GIT2: variants seen among roughly 807,000 people sequenced by gnomAD.
GIT2 encodes ARF GTPase-activating protein GIT2.
GIT2 carries 32 observed loss-of-function variants against 100.3 expected under a neutral mutation model. The observed-to-expected ratio is 0.32, with a 90% CI of 0.24 to 0.43. The LOEUF is 0.43. Among genes scored for constraint, GIT2 ranks in the 20% least tolerant of loss-of-function variants. The pLI, the probability that GIT2 is intolerant of heterozygous loss-of-function variation, is 1.00. For synonymous variants in GIT2, 353 were observed against 364.1 expected (o/e 0.97, Z 0.35); for missense variants, 737 against 975.1 (o/e 0.76, Z 3.25).
chr12:109,978,381 C>T (rs1433940734), intron 7 of GIT2, among the ~76,000 whole-genome samples: 1 of 152,144 alleles, frequency 6.6e-6, no homozygotes, highest in Non-Finnish European at 1.5e-5. Flanking sequence ...TTGAGCCTGT[C>T]CCAAATTTAG....
rs989636193 is a variant in GIT2, at chr12:109,966,078, C to A, written c.765-501G>T. Among the ~76,000 whole-genome samples, 4 of 148,212 alleles carry A rather than the reference C, an allele frequency of 2.7e-5. No individual in the cohort carries two copies. In the Admixed American group the frequency reaches 2.7e-4, roughly 10 times the overall value. ...TGGCGCAATCTCAGCTCACTGCAAT[C>A]TCTGCCACCAGGGTTTAAGCAATTC... On this transcript the variant is annotated intron_variant, in intron 8 of 19. Coordinates refer to ENST00000355312, the MANE Select transcript of GIT2 (RefSeq NM_057169.5).
At chr12:109,942,308 T>C (rs34278224) in intron 16 of GIT2, among the ~76,000 whole-genome samples, 26,875 of 152,156 alleles carry the variant, frequency 0.18, 3,154 homozygotes, top group Admixed American at 0.29. Context: ...CAGAAAATTC[T>C]ACATTTTTAT....
At chr12:109,937,739 G>A (rs188854541) in intron 18 of GIT2, among the ~76,000 whole-genome samples, 1 of 152,312 alleles carries the variant, frequency 6.6e-6, no homozygotes, top group Admixed American at 6.5e-5. Context: ...TTTCGCTATT[G>A]TTGCCCAGGC....
chr12:109,990,840 A>G (rs1888230391), intron 2 of GIT2, among the ~76,000 whole-genome samples: 1 of 152,266 alleles, frequency 6.6e-6, no homozygotes, highest in East Asian at 1.9e-4. Flanking sequence ...GACTAGTAAC[A>G]AGAGCTTTAA....
intron 18 of GIT2, among the ~76,000 whole-genome samples, chr12:109,936,468 G>A (rs1289069896): frequency 2.0e-5 from 3 of 152,162 alleles, no homozygotes; most frequent in African/African-American, 7.2e-5. Context: ...TGAAATACAA[G>A]CACAGCACTT....
intron 12 of GIT2, among the ~76,000 whole-genome samples, chr12:109,959,623 C>T (rs1880514663): frequency 6.6e-6 from 1 of 152,040 alleles, no homozygotes; most frequent in Admixed American, 6.5e-5. Flanking sequence ...ACCTAGAGGA[C>T]AGGTCAATAG....
chr12:109,979,753 G>A (rs1885934973), intron 7 of GIT2, among the ~76,000 whole-genome samples: 1 of 152,116 alleles, frequency 6.6e-6, no homozygotes, highest in African/African-American at 2.4e-5. Context: ...ATTTGGTCCA[G>A]GTCTGTTAGT....
Position 109,980,943 on chromosome 12 carries a change from T to A in GIT2, c.718+9A>T. Reference sequence around the variant, plus strand: ...GGAGATGTGAAACGGTCATTCTCCATCCACTCACCTGGTTTCCTGCCACAG... The same window carrying A: ...GGAGATGTGAAACGGTCATTCTCCAACCACTCACCTGGTTTCCTGCCACAG... On this transcript the variant is annotated intron_variant, in intron 7 of 19. Coordinates refer to ENST00000355312, the MANE Select transcript of GIT2 (RefSeq NM_057169.5). 1 of 1,542,686 alleles carries A rather than the reference T, an allele frequency of 6.5e-7. No individual in the cohort carries two copies. Among genetic ancestry groups the A allele is most frequent in the Admixed American group, 1.7e-5 (1 of 59,922 alleles).
At chr12:109,992,454 T>C (rs1213619861) in intron 1 of GIT2, among the ~76,000 whole-genome samples, 2 of 151,930 alleles carry the variant, frequency 1.3e-5, no homozygotes, top group African/African-American at 2.4e-5. Context: ...GCCAAGATAA[T>C]ATAATTTTGA....
intron 12 of GIT2, among the ~76,000 whole-genome samples, chr12:109,954,911 T>A (rs200296096): frequency 0.021 from 3,054 of 146,378 alleles, 41 homozygotes; most frequent in African/African-American, 0.039. Context: ...AAAAAAAAAA[T>A]AATAATAATA....
chr12:109,963,186 G>C (rs904439401), intron 9 of GIT2, among the ~76,000 whole-genome samples: 1 of 152,070 alleles, frequency 6.6e-6, no homozygotes, highest in Non-Finnish European at 1.5e-5. Context: ...CCAAAATATT[G>C]AGCCTGACTC....
Position 109,948,407 on chromosome 12 carries a change from T to G in GIT2, c.1393-903A>C. Reference sequence around the variant, plus strand: ...CCACCCCATTTTAGAGACTGTCACTTGGAGGCCCTGAATGCTCCTTCCATT... The same window carrying G: ...CCACCCCATTTTAGAGACTGTCACTGGGAGGCCCTGAATGCTCCTTCCATT... On this transcript the variant is annotated intron_variant, in intron 14 of 19. Transcript: ENST00000355312. This position sits in a 1 kb window ranked among gnomAD's most constrained non-coding sequence, Gnocchi z 4.3. 1 of 1,001,578 alleles carries G rather than the reference T, an allele frequency of 1.0e-6. No homozygotes were observed. Among genetic ancestry groups the G allele is most frequent in the Non-Finnish European group, 1.2e-6 (1 of 840,868 alleles). The allele number at this position is 1,001,578 out of a possible 1,614,324, so 62.0% of individuals were successfully genotyped here. A position where few individuals can be genotyped will look rare whatever the true frequency, so the allele number is the denominator to read the frequency against.
intron 12 of GIT2, among the ~76,000 whole-genome samples, chr12:109,955,415 C>T (rs575531837): frequency 2.0e-5 from 3 of 152,206 alleles, no homozygotes; most frequent in South Asian, 2.1e-4. Flanking sequence ...TGTGAGCCAC[C>T]GCACCCAGCC....
At chr12:109,996,128 G>A (rs1033567762) in intron 1 of GIT2, 45 bp downstream of exon 1, 15 of 1,317,150 alleles carry the variant, frequency 1.1e-5, no homozygotes, top group African/African-American at 3.1e-5. Context: ...GTAGGGGTCC[G>A]GGCCAGGAAA....
intron 8 of GIT2, among the ~76,000 whole-genome samples, chr12:109,966,508 C>CAAAAAAAAAAAAAAAAAAAAA (rs749586402): frequency 2.8e-5 from 2 of 70,218 alleles, no homozygotes; most frequent in Non-Finnish European, 2.5e-5. Context: ...GACTCTGTCT[C>CAAAAAAAAAAAAAAAAAAAAA]AAAAAAAAAA....
intron 7 of GIT2, among the ~76,000 whole-genome samples, chr12:109,980,046 G>A (rs534937568): frequency 7.2e-5 from 11 of 152,230 alleles, no homozygotes; most frequent in South Asian, 2.1e-4. Flanking sequence ...AATTGGGCGC[G>A]GCTTTCTTGC....
chr12:109,945,445 A>G, intron 15 of GIT2, 96 bp from the exon 16 acceptor site: 1 of 706,192 alleles, frequency 1.4e-6, no homozygotes, highest in Non-Finnish European at 2.6e-6. Flanking sequence ...GGAACACCAC[A>G]CATTATGTGA....
At chr12:109,950,587 C>T (rs1199460872) in intron 14 of GIT2, 1 of 152,462 alleles carries the variant, frequency 6.6e-6, no homozygotes, top group African/African-American at 2.4e-5. Context: ...TGAGAAAATG[C>T]TGAGCAAATG....
At chr12:109,981,782 T>A (rs1040517512) in intron 6 of GIT2, 1 of 152,224 alleles carries the variant, frequency 6.6e-6, no homozygotes, top group African/African-American at 2.4e-5. Context: ...AGGTAAGTGA[T>A]AATAAGTATC....
Sources: allele counts gnomAD v4.1 joint callset (sites outside exome capture counted in the v4.1 genomes callset), GRCh38; gene constraint gnomAD v4.1.1; non-coding constraint Gnocchi (gnomAD v3.1); transcripts MANE v1.5; gene names NCBI Gene and HGNC (gene_info 2026-07-23, HGNC 2026-07-21).